The following RNF38 variants were observed in gnomAD, a reference collection of about 807,000 sequenced individuals.
RNF38 encodes E3 ubiquitin-protein ligase RNF38.
RNF38 carries 15 observed loss-of-function variants against 67.2 expected under a neutral mutation model. The observed-to-expected ratio is 0.22, with a 90% confidence interval of 0.15 to 0.34. The LOEUF is 0.34. RNF38 is among the 10% of genes least tolerant of loss of function. The pLI, the probability that RNF38 is intolerant of heterozygous loss-of-function variation, is 1.00. For missense variants in RNF38, 524 were observed against 639.9 expected, an observed-to-expected ratio of 0.82 and a Z score of 1.95; for synonymous variants, 220 against 218.8, an observed-to-expected ratio of 1.01 and a Z score of -0.05.
intron 1 of RNF38, among the ~76,000 whole-genome samples, chr9:36,392,595 A>C (rs1837193565): frequency 6.6e-6 from 1 of 152,078 alleles, no homozygotes; most frequent in Admixed American, 6.5e-5. Context: ...AAGTAAATAA[A>C]TAAAAATTAA....
At chr9:36,472,008 CTTTAAAATATCAATTTTAAAAAAACAAT>C (rs1840009091) in intron 1 of RNF38, among the ~76,000 whole-genome samples, 1 of 152,088 alleles carries the variant, frequency 6.6e-6, no homozygotes, top group Non-Finnish European at 1.5e-5. Context: ...TTACTTGAAG[CTTTAAAATATCAATTTTAAAAAAACAAT>C]TTTAAAATAA....
intron 1 of RNF38, among the ~76,000 whole-genome samples, chr9:36,447,215 T>C (rs1485808856): frequency 6.6e-6 from 1 of 152,042 alleles, no homozygotes; most frequent in Non-Finnish European, 1.5e-5. Flanking sequence ...CACTGTGACC[T>C]AATAGCCCAA....
intron 1 of RNF38, among the ~76,000 whole-genome samples, chr9:36,462,799 C>G (rs956427949): frequency 1.3e-5 from 2 of 151,920 alleles, no homozygotes; most frequent in African/African-American, 4.8e-5. Flanking sequence ...CTCAGCCTCC[C>G]GAGTAGCTAG....
chr9:36,450,769 C>A (rs1839417741), intron 1 of RNF38, among the ~76,000 whole-genome samples: 1 of 151,994 alleles, frequency 6.6e-6, no homozygotes, highest in Non-Finnish European at 1.5e-5. Context: ...ACAAAAATGG[C>A]CTGGCGTGGT....
At chr9:36,350,892 T>G (rs1356048251) in intron 9 of RNF38, among the ~76,000 whole-genome samples, 1 of 152,092 alleles carries the variant, frequency 6.6e-6, no homozygotes, top group Admixed American at 6.5e-5. Context: ...CAACACAAAT[T>G]CATAAACTTT....
intron 4 of RNF38, among the ~76,000 whole-genome samples, chr9:36,360,242 TATA>T (rs1238696247): frequency 6.6e-6 from 1 of 152,234 alleles, no homozygotes; most frequent in African/African-American, 2.4e-5. Context: ...GTGGTTCTGT[TATA>T]ATGACAAGAG....
intron 1 of RNF38, among the ~76,000 whole-genome samples, chr9:36,393,873 A>G (rs1372352424): frequency 6.6e-6 from 1 of 152,180 alleles, no homozygotes; most frequent in Non-Finnish European, 1.5e-5. Context: ...GGCAGCTTCT[A>G]GGAGCTGAAA....
chr9:36,351,236 A>G, intron 8 of RNF38, 37 bp from the exon 9 acceptor site: 1 of 1,400,944 alleles, frequency 7.1e-7, no homozygotes. Context: ...TTGATATGTT[A>G]GTACATTAAA....
intron 3 of RNF38, among the ~76,000 whole-genome samples, chr9:36,374,961 A>G (rs1341856601): frequency 6.6e-6 from 1 of 152,102 alleles, no homozygotes; most frequent in Non-Finnish European, 1.5e-5. Flanking sequence ...GGTCTGCAAC[A>G]CCTTCCTAAC....
chr9:36,405,681 G>C (rs9969785), upstream of RNF38, among the ~76,000 whole-genome samples: 28,454 of 152,098 alleles, frequency 0.19, 3,233 homozygotes, highest in Non-Finnish European at 0.26. Context: ...AATTTCCTTA[G>C]ATGTCCTGTT....
intron 2 of RNF38, among the ~76,000 whole-genome samples, chr9:36,388,812 G>A (rs1009618939): frequency 6.6e-6 from 1 of 152,070 alleles, no homozygotes; most frequent in Non-Finnish European, 1.5e-5. Flanking sequence ...TGGGAGAGAA[G>A]GTACTTGAGG....
intron 1 of RNF38, among the ~76,000 whole-genome samples, chr9:36,460,125 T>TTTCTTG (rs1457578668): frequency 1.2e-4 from 18 of 152,176 alleles, no homozygotes; most frequent in Admixed American, 4.6e-4. Flanking sequence ...TAAAAACATT[T>TTTCTTG]TTCTTGTGGT....
chr9:36,471,916 A>G (rs943947106), intron 1 of RNF38, among the ~76,000 whole-genome samples: 1 of 152,208 alleles, frequency 6.6e-6, no homozygotes, highest in Non-Finnish European at 1.5e-5. Context: ...TAAAAAGTCA[A>G]ATCTTTTCAC....
intron 1 of RNF38, 87 bp from the exon 2 acceptor site, chr9:36,390,703 T>C (rs773909240): frequency 9.7e-6 from 13 of 1,345,586 alleles, no homozygotes; most frequent in Non-Finnish European, 1.2e-5. Flanking sequence ...CTGGATTTTC[T>C]AGGTATTTGA....
chr9:36,452,965 T>C (rs532894937), intron 1 of RNF38, among the ~76,000 whole-genome samples: 1 of 152,324 alleles, frequency 6.6e-6, no homozygotes, highest in East Asian at 1.9e-4. Context: ...CCTGTGAACA[T>C]TTGTATACAG....
intron 1 of RNF38, among the ~76,000 whole-genome samples, chr9:36,429,422 T>C (rs1030190795): frequency 1.3e-5 from 2 of 152,206 alleles, no homozygotes; most frequent in Non-Finnish European, 2.9e-5. Flanking sequence ...AGTATTTGCA[T>C]AAAACCTATG....
intron 1 of RNF38, among the ~76,000 whole-genome samples, chr9:36,443,799 G>T (rs889737552): frequency 3.3e-5 from 5 of 152,242 alleles, no homozygotes; most frequent in Non-Finnish European, 7.3e-5. Context: ...CTCAGGGAGA[G>T]CGAGTGGAGA....
chr9:36,372,541 G>T (rs1835467383), intron 3 of RNF38: 1 of 715,482 alleles, frequency 1.4e-6, no homozygotes, highest in Non-Finnish European at 2.6e-6. Context: ...AACTGCATCT[G>T]CTTGGCACAG....
In RNF38 at chr9:36,469,434, C is replaced by T. The variant is rs146454358; in HGVS notation, n.241+17874G>A. Among the ~76,000 whole-genome samples the T allele has an allele frequency of 2.9e-3, 442 of 151,564 alleles. 2 individuals carry two copies. Among genetic ancestry groups the T allele is most frequent in the African/African-American group, 9.3e-3 (382 of 41,290 alleles). On this transcript the variant is annotated intron_variant and non_coding_transcript_variant, in intron 1 of 3. Coordinates refer to the RNF38 transcript ENST00000488058. ...CAGCACTTTGGGAGGCTGAGGTGGG[C>T]GAATCACCTGAGGTCGGGAGTTTGA...
Sources: allele counts gnomAD v4.1 joint callset (sites outside exome capture counted in the v4.1 genomes callset), GRCh38; gene constraint gnomAD v4.1.1; transcripts MANE v1.5; gene names NCBI Gene and HGNC (gene_info 2026-07-23, HGNC 2026-07-21).